Variants in RANBP2 observed in about 807,000 individuals in gnomAD.
RANBP2 encodes the protein E3 SUMO-protein ligase RanBP2.
In RANBP2, 57 loss-of-function variants were observed where a neutral mutation model predicts 303.6. The ratio of observed to expected loss-of-function variants is 0.19; its 90% confidence interval spans 0.15 to 0.23. RANBP2 has a LOEUF of 0.23. Among genes scored for constraint, RANBP2 ranks in the 10% least tolerant of loss-of-function variants. The pLI is 1.00. For missense variants in RANBP2, 3,138 were observed against 3,780.8 expected, an observed-to-expected ratio of 0.83 and a Z score of 4.46; for synonymous variants, 1,167 against 1,301.5, an observed-to-expected ratio of 0.90 and a Z score of 2.23.
the RANBP2 span, among the ~76,000 whole-genome samples, chr2:108,901,385 TAAC>T: frequency 6.6e-6 from 1 of 152,038 alleles, no homozygotes. Context: ...AAACTCAAGT[TAAC>T]AATCTAAGCT....
At chr2:109,400,270 C>T in the RANBP2 span, among the ~76,000 whole-genome samples, 9 of 151,766 alleles carry the variant, frequency 5.9e-5, no homozygotes, top group Non-Finnish European at 1.2e-4. Context: ...CATGCCCGCC[C>T]GCACATATGC....
At chr2:108,780,153 C>T (rs35096475) in intron 25 of RANBP2, among the ~76,000 whole-genome samples, 38,888 of 150,296 alleles carry the variant, frequency 0.26, 5,404 homozygotes, top group African/African-American at 0.35. Flanking sequence ...CTGTACTCAA[C>T]AGTATGAGTT....
chr2:109,235,447 T>C, the RANBP2 span, among the ~76,000 whole-genome samples: 1 of 152,138 alleles, frequency 6.6e-6, no homozygotes, highest in African/African-American at 2.4e-5. Context: ...ATCAGGTTAC[T>C]TTTGAGAGCA....
chr2:109,435,238 C>G, the RANBP2 span, among the ~76,000 whole-genome samples: 1 of 152,204 alleles, frequency 6.6e-6, no homozygotes, highest in Non-Finnish European at 1.5e-5. Context: ...CAATCCATAG[C>G]TCAGCACAAA....
chr2:109,338,683 A>G, the RANBP2 span, among the ~76,000 whole-genome samples: 1 of 152,114 alleles, frequency 6.6e-6, no homozygotes, highest in African/African-American at 2.4e-5. Flanking sequence ...TCAGCCTCAC[A>G]AGTAGCTGTG....
the RANBP2 span, among the ~76,000 whole-genome samples, chr2:108,800,409 C>T: frequency 2.0e-5 from 3 of 152,036 alleles, no homozygotes; most frequent in Admixed American, 1.3e-4. Context: ...GGAATACAGG[C>T]GCCCACCACC....
At chr2:108,860,607 C>G in the RANBP2 span, among the ~76,000 whole-genome samples, 6,952 of 150,896 alleles carry the variant, frequency 0.046, 257 homozygotes, top group Middle Eastern at 0.079. Flanking sequence ...TTTACATTTA[C>G]TGATTTGCGT....
the RANBP2 span, among the ~76,000 whole-genome samples, chr2:108,790,897 G>A: frequency 6.6e-6 from 1 of 151,850 alleles, no homozygotes; most frequent in Non-Finnish European, 1.5e-5. Flanking sequence ...GACTACAGAC[G>A]TGCACCACTA....
the RANBP2 span, among the ~76,000 whole-genome samples, chr2:109,123,315 TTTCTTTCCTTCCTTCCTTCC>T: frequency 1.4e-5 from 2 of 140,414 alleles, no homozygotes; most frequent in African/African-American, 5.2e-5. Flanking sequence ...GTGGCTTTTC[TTTCTTTCCTTCCTTCCTTCC>T]TTCCTTCCTT....
the RANBP2 span, among the ~76,000 whole-genome samples, chr2:109,301,059 T>C: frequency 6.6e-6 from 1 of 152,228 alleles, no homozygotes; most frequent in South Asian, 2.1e-4. Flanking sequence ...CAGTTGTGTA[T>C]GAAGTGCCCA....
intron 25 of RANBP2, among the ~76,000 whole-genome samples, chr2:108,780,813 G>A (rs1256662501): frequency 4.6e-5 from 7 of 151,808 alleles, no homozygotes; most frequent in African/African-American, 9.7e-5. Flanking sequence ...GGGTTCAAGC[G>A]ATTCTCCTGC....
At chr2:109,239,599 A>G in the RANBP2 span, among the ~76,000 whole-genome samples, 1 of 152,322 alleles carries the variant, frequency 6.6e-6, no homozygotes, top group Non-Finnish European at 1.5e-5. Context: ...GAGACTGGGT[A>G]CAGAGCCAGG....
the RANBP2 span, among the ~76,000 whole-genome samples, chr2:109,004,988 T>A: frequency 6.6e-6 from 1 of 152,154 alleles, no homozygotes; most frequent in Non-Finnish European, 1.5e-5. Context: ...GGTTATTTTC[T>A]CTTCTCCCTC....
chr2:109,584,659 AAATTAAAATTTCACTATCAAAACTTT>A, the RANBP2 span, among the ~76,000 whole-genome samples: 1 of 152,106 alleles, frequency 6.6e-6, no homozygotes. Context: ...GGTAAAATAT[AAATTAAAATTTCACTATCAAAACTTT>A]CCTGCAATGA....
the RANBP2 span, among the ~76,000 whole-genome samples, chr2:109,133,351 CAATGTGACTGGGACTT>C: frequency 1.3e-5 from 2 of 152,160 alleles, no homozygotes; most frequent in African/African-American, 4.8e-5. Flanking sequence ...GTCTCTTTGA[CAATGTGACTGGGACTT>C]AATAGAGAAA....
At chr2:109,721,926 T>C in the RANBP2 span, among the ~76,000 whole-genome samples, 1 of 152,228 alleles carries the variant, frequency 6.6e-6, no homozygotes, top group Non-Finnish European at 1.5e-5. Context: ...AGCCCACTTG[T>C]CCTCAAGAAT....
At chr2:108,962,217 C>T in the RANBP2 span, among the ~76,000 whole-genome samples, 6 of 152,174 alleles carry the variant, frequency 3.9e-5, no homozygotes, top group African/African-American at 1.2e-4. Flanking sequence ...CTGAGATGCT[C>T]GGACGCTCTC....
chr2:109,653,758 C>T, the RANBP2 span, among the ~76,000 whole-genome samples: 1 of 152,128 alleles, frequency 6.6e-6, no homozygotes, highest in South Asian at 2.1e-4. Flanking sequence ...CCAGGGAAGT[C>T]CTGGCCTCCT....
chr2:109,490,461 C>G, the RANBP2 span: 1 of 683,184 alleles, frequency 1.5e-6, no homozygotes, highest in Non-Finnish European at 2.2e-6. Context: ...ACTGCTGTTG[C>G]TGTGAGTGGT....
Sources: allele counts gnomAD v4.1 joint callset (sites outside exome capture counted in the v4.1 genomes callset), GRCh38; gene constraint gnomAD v4.1.1; transcripts MANE v1.5; gene names NCBI Gene and HGNC (gene_info 2026-07-23, HGNC 2026-07-21).